RAB3C: variants seen among roughly 807,000 people sequenced by gnomAD.
RAB3C encodes the protein ras-related protein Rab-3C.
In RAB3C, 17 loss-of-function variants were observed where a neutral mutation model predicts 26.4. That is an observed-to-expected ratio of 0.64 (90% CI 0.44 to 0.97). The LOEUF (loss-of-function observed/expected upper bound fraction) is 0.97, where lower values mean the gene tolerates loss of function less well. RAB3C is among the 50% of genes least tolerant of loss of function. RAB3C has a pLI of 0.00. For synonymous variants in RAB3C, 91 were observed against 95.9 expected, an observed-to-expected ratio of 0.95 and a Z score of 0.30; for missense variants, 242 against 281.9, an observed-to-expected ratio of 0.86 and a Z score of 1.01.
chr5:58,635,617 A>G (rs1747273510), intron 2 of RAB3C, among the ~76,000 whole-genome samples: 1 of 152,218 alleles, frequency 6.6e-6, no homozygotes, highest in African/African-American at 2.4e-5. Flanking sequence ...GGTGCCTGTC[A>G]GGACCAGGGT....
At chr5:58,736,499 G>C (rs751991293) in intron 3 of RAB3C, among the ~76,000 whole-genome samples, 1 of 152,186 alleles carries the variant, frequency 6.6e-6, no homozygotes, top group Non-Finnish European at 1.5e-5. Flanking sequence ...CTCTGCCTCA[G>C]AGTATACTTC....
intron 2 of RAB3C, among the ~76,000 whole-genome samples, chr5:58,669,964 T>C (rs1748079610): frequency 6.6e-6 from 1 of 152,226 alleles, no homozygotes; most frequent in South Asian, 2.1e-4. Flanking sequence ...CCGTTTGTTT[T>C]GAAGATCTGG....
chr5:58,679,886 T>C (rs116428192), intron 2 of RAB3C, among the ~76,000 whole-genome samples: 3,343 of 152,310 alleles, frequency 0.022, 73 homozygotes, highest in Admixed American at 0.057. Context: ...GGCAATGTAC[T>C]GTTTGATTTT....
intron 4 of RAB3C, among the ~76,000 whole-genome samples, chr5:58,844,432 A>T (rs1435776647): frequency 6.6e-6 from 1 of 152,122 alleles, no homozygotes; most frequent in Non-Finnish European, 1.5e-5. Context: ...TTGGTCTGCA[A>T]TTTTGGCCCT....
At chr5:58,849,437 A>C (rs1469995830) in intron 4 of RAB3C, among the ~76,000 whole-genome samples, 1 of 152,188 alleles carries the variant, frequency 6.6e-6, no homozygotes, top group African/African-American at 2.4e-5. Context: ...CCTTTCCCCA[A>C]ATCTGGATTG....
chr5:58,650,680 G>C (rs1001139775), intron 2 of RAB3C, among the ~76,000 whole-genome samples: 1 of 152,010 alleles, frequency 6.6e-6, no homozygotes, highest in Admixed American at 6.6e-5. Flanking sequence ...AAATACATAT[G>C]GTCATATTTG....
At chr5:58,586,882 T>C (rs966726834) in intron 1 of RAB3C, among the ~76,000 whole-genome samples, 9 of 152,046 alleles carry the variant, frequency 5.9e-5, no homozygotes, top group African/African-American at 2.2e-4. Flanking sequence ...AAAGTCTAAA[T>C]ATCACTGTTT....
At chr5:58,786,310 C>A (rs1742379282) in intron 3 of RAB3C, among the ~76,000 whole-genome samples, 1 of 152,166 alleles carries the variant, frequency 6.6e-6, no homozygotes, top group South Asian at 2.1e-4. Flanking sequence ...TCAAATTTGG[C>A]TATAGTTCTT....
At chr5:58,586,825 A>G (rs548109406) in intron 1 of RAB3C, among the ~76,000 whole-genome samples, 4 of 152,174 alleles carry the variant, frequency 2.6e-5, no homozygotes, top group Non-Finnish European at 4.4e-5. Context: ...CATTAGTTAT[A>G]TATTAAAGTT....
intron 2 of RAB3C, among the ~76,000 whole-genome samples, chr5:58,670,041 T>C (rs2111822080): frequency 6.6e-6 from 1 of 152,342 alleles, no homozygotes; most frequent in Non-Finnish European, 1.5e-5. Flanking sequence ...CACGTGTCTA[T>C]AAATCATTCT....
At chr5:58,647,566 ATCAGATAC>A (rs1359193719) in intron 2 of RAB3C, 33 of 152,204 alleles carry the variant, frequency 2.2e-4, no homozygotes, top group Admixed American at 4.6e-4. Flanking sequence ...GCCAAACCAT[ATCAGATAC>A]TTTAGCTATT....
At position 58,811,239 on chromosome 5, in the gene RAB3C, C is replaced by T. The variant is rs554900495; in HGVS notation, c.372-13799C>T. Among the ~76,000 whole-genome samples, 6 of 152,266 alleles carry T rather than the reference C, an allele frequency of 3.9e-5. No individual in the cohort carries two copies. In the South Asian group the frequency reaches 6.2e-4, roughly 16 times the overall value. ...GCAAATGGCAACTGTGGAGCTTGGC[C>T]TTTTCTCATTTCTTGGTTTCCTGAG... On this transcript the variant is annotated intron_variant, in intron 3 of 4. Transcript: ENST00000282878.
chr5:58,810,788 G>T (rs868217684), intron 3 of RAB3C, among the ~76,000 whole-genome samples: 22 of 152,248 alleles, frequency 1.4e-4, no homozygotes, highest in Middle Eastern at 6.8e-3. Flanking sequence ...GTAGAGACGG[G>T]GTTTCGCCAT....
At chr5:58,847,713 C>G (rs1487459057) in intron 4 of RAB3C, among the ~76,000 whole-genome samples, 1 of 152,122 alleles carries the variant, frequency 6.6e-6, no homozygotes, top group Non-Finnish European at 1.5e-5. Context: ...TTCTAAACAT[C>G]CCTGTACCCC....
At chr5:58,803,244 G>A (rs1212375566) in intron 3 of RAB3C, among the ~76,000 whole-genome samples, 4 of 152,212 alleles carry the variant, frequency 2.6e-5, no homozygotes, top group African/African-American at 4.8e-5. Flanking sequence ...GATGTCAGAA[G>A]CACTAAACTG....
chr5:58,735,341 C>A (rs1364830711), intron 3 of RAB3C, among the ~76,000 whole-genome samples: 1 of 152,182 alleles, frequency 6.6e-6, no homozygotes. Flanking sequence ...TCCATGAAAG[C>A]ATCATGGGTG....
chr5:58,727,775 TATAAG>T (rs1346491916), intron 3 of RAB3C, among the ~76,000 whole-genome samples: 4 of 152,084 alleles, frequency 2.6e-5, no homozygotes, highest in South Asian at 2.1e-4. Flanking sequence ...GAAGTGCTAT[TATAAG>T]TTTTCCAAAA....
chr5:58,792,194 A>G (rs575622352), intron 3 of RAB3C, among the ~76,000 whole-genome samples: 3 of 152,350 alleles, frequency 2.0e-5, no homozygotes, highest in Admixed American at 6.5e-5. Flanking sequence ...GCTTATTATA[A>G]TAATTTAGCA....
At chr5:58,831,859 T>A (rs1239033768) in intron 4 of RAB3C, among the ~76,000 whole-genome samples, 1 of 152,186 alleles carries the variant, frequency 6.6e-6, no homozygotes, top group Non-Finnish European at 1.5e-5. Flanking sequence ...TTCTCGATCT[T>A]GGCTACACAT....
Sources: gnomAD v4.1 joint callset for allele counts (sites outside exome capture counted in the v4.1 genomes callset) on GRCh38, gnomAD v4.1.1 for gene constraint, MANE v1.5 for transcripts, NCBI Gene and HGNC (gene_info 2026-07-23, HGNC 2026-07-21) for gene names.